Variants in SEPTIN10 observed in about 807,000 individuals in gnomAD.
The protein encoded by SEPTIN10 is septin 10, also known as septin-10.
In SEPTIN10, 66 loss-of-function variants were observed where a neutral mutation model predicts 54.8. That is an observed-to-expected ratio of 1.21 (90% CI 0.99 to 1.48). The LOEUF (loss-of-function observed/expected upper bound fraction) is 1.48. SEPTIN10 is among the 40% of genes most tolerant of loss of function. SEPTIN10 has a pLI of 0.00. For missense variants in SEPTIN10, 620 were observed against 545.6 expected, an observed-to-expected ratio of 1.14 and a Z score of -1.36; for synonymous variants, 161 against 181.0, an observed-to-expected ratio of 0.89 and a Z score of 0.89.
intron 9 of SEPTIN10, 28 bp downstream of exon 9, chr2:109,553,059 G>A: frequency 6.3e-7 from 1 of 1,599,266 alleles, no homozygotes; most frequent in East Asian, 2.2e-5. Flanking sequence ...AAAAATAAAT[G>A]CAAATCACAT....
chr2:109,582,053 G>C (rs923811691), intron 4 of SEPTIN10, among the ~76,000 whole-genome samples: 14 of 149,096 alleles, frequency 9.4e-5, no homozygotes, highest in Middle Eastern at 3.4e-3. Flanking sequence ...GCCGTATCAA[G>C]AACACAATGC....
intron 2 of SEPTIN10, among the ~76,000 whole-genome samples, chr2:109,587,874 CT>C (rs2105836708): frequency 1.3e-5 from 2 of 151,732 alleles, no homozygotes; most frequent in East Asian, 3.9e-4. Flanking sequence ...GATCGCACCA[CT>C]GCACTCCAGC....
intron 1 of SEPTIN10, among the ~76,000 whole-genome samples, chr2:109,601,991 T>G (rs1696697135): frequency 6.6e-6 from 1 of 152,114 alleles, no homozygotes; most frequent in African/African-American, 2.4e-5. Context: ...ATGAATAGAC[T>G]AGTGAGGCAG....
intron 6 of SEPTIN10, among the ~76,000 whole-genome samples, chr2:109,567,233 T>A (rs1266469160): frequency 6.6e-6 from 1 of 152,176 alleles, no homozygotes; most frequent in African/African-American, 2.4e-5. Flanking sequence ...GTAACTCCAA[T>A]GGACATATGG....
intron 8 of SEPTIN10, 97 bp downstream of exon 8, chr2:109,564,265 GGAGA>G: frequency 9.2e-7 from 1 of 1,090,980 alleles, no homozygotes; most frequent in Non-Finnish European, 1.2e-6. Flanking sequence ...CATGGTTTTG[GGAGA>G]TTCTAAAGAA....
chr2:109,564,954 A>G (rs1686614788), intron 7 of SEPTIN10, among the ~76,000 whole-genome samples: 1 of 152,216 alleles, frequency 6.6e-6, no homozygotes, highest in Non-Finnish European at 1.5e-5. Flanking sequence ...TGCAAACTCA[A>G]GAATACTATC....
At chr2:109,573,668 C>A (rs527346481) in intron 5 of SEPTIN10, among the ~76,000 whole-genome samples, 2 of 152,124 alleles carry the variant, frequency 1.3e-5, no homozygotes, top group African/African-American at 4.8e-5. Context: ...AGTTAGTAAC[C>A]AGGATCATGA....
chr2:109,562,171 C>T (rs754106231), intron 8 of SEPTIN10, among the ~76,000 whole-genome samples: 4 of 151,898 alleles, frequency 2.6e-5, no homozygotes, highest in Non-Finnish European at 5.9e-5. Context: ...AGAGATCATG[C>T]CACTGAACTC....
At chr2:109,572,054 G>C (rs551607432) in intron 5 of SEPTIN10, among the ~76,000 whole-genome samples, 1 of 152,286 alleles carries the variant, frequency 6.6e-6, no homozygotes, top group Admixed American at 6.5e-5. Flanking sequence ...GCCAGGCATT[G>C]TACTAAATGC....
At chr2:109,577,507 G>C (rs1006281655) in intron 4 of SEPTIN10, among the ~76,000 whole-genome samples, 9 of 151,712 alleles carry the variant, frequency 5.9e-5, no homozygotes, top group African/African-American at 2.2e-4. Context: ...CAGGAGAACT[G>C]CTGGAGTGCA....
chr2:109,545,291 A>C, intron 10 of SEPTIN10: 1 of 1,429,070 alleles, frequency 7.0e-7, no homozygotes, highest in Non-Finnish European at 9.1e-7. Context: ...AAGTGGGAGA[A>C]ATAAAACAAG....
intron 8 of SEPTIN10, among the ~76,000 whole-genome samples, chr2:109,558,709 G>A (rs1553423531): frequency 1.3e-5 from 2 of 151,814 alleles, no homozygotes; most frequent in East Asian, 3.9e-4. Flanking sequence ...AAAAACAAAC[G>A]GAAGTTCTGG....
intron 5 of SEPTIN10, 75 bp downstream of exon 5, chr2:109,574,506 C>T (rs1016024941): frequency 7.4e-6 from 6 of 814,402 alleles, no homozygotes; most frequent in African/African-American, 3.6e-5. Context: ...CAATATATAT[C>T]CATATTGTAA....
Position 109,564,532 on chromosome 2 carries a change from C to G in SEPTIN10, c.862G>C (p.Glu288Gln), listed in dbSNP as rs754262185. The change falls in exon 8 of 11, where the codon GAA becomes CAA. Residue 288 changes from glutamate to glutamine, a missense_variant and splice_region_variant. Glu to Gln is a conservative substitution (Grantham distance 29, BLOSUM62 2). Transcript: ENST00000397712. ...RQYPWGVVQV[E>Q]NENHCDFVKL... The stretch of plus-strand genomic sequence containing the variant: ...ACAAAGTCACAGTGGTTTTCATTTT[C>G]CACTAGCCAAAAAAAAATAAGAAAA... 1.3e-6 allele frequency: 2 copies of G among 1,497,890 alleles called. No homozygotes were observed. Among genetic ancestry groups the G allele is most frequent in the South Asian group, 1.4e-5 (1 of 70,004 alleles). 92.8% of individuals were successfully genotyped at this position (1,497,890 alleles called of 1,614,324 possible). A position where few individuals can be genotyped will look rare whatever the true frequency, so the allele number is the denominator to read the frequency against.
At chr2:109,566,245 C>T (rs1209790040) in intron 6 of SEPTIN10, among the ~76,000 whole-genome samples, 2 of 151,990 alleles carry the variant, frequency 1.3e-5, no homozygotes, top group Admixed American at 6.6e-5. Context: ...CTCAGCCTCC[C>T]GAGTAGCTGG....
At chr2:109,556,638 CT>C (rs1024593608) in intron 8 of SEPTIN10, among the ~76,000 whole-genome samples, 10 of 151,068 alleles carry the variant, frequency 6.6e-5, no homozygotes, top group African/African-American at 9.7e-5. Context: ...AGTATCAGGC[CT>C]TTTTTTTTCT....
intron 1 of SEPTIN10, among the ~76,000 whole-genome samples, chr2:109,603,105 T>C (rs1697019531): frequency 6.6e-6 from 1 of 151,516 alleles, no homozygotes; most frequent in Admixed American, 6.6e-5. Context: ...CAAAAAAGCA[T>C]TAAAAGGACC....
In SEPTIN10 at chr2:109,565,885, T is replaced by G. The variant is rs183258808; in HGVS notation, c.763-26A>C. The G allele has an allele frequency of 7.8e-4, 1,216 of 1,563,522 alleles. 7 individuals carry two copies. In the African/African-American group the frequency reaches 0.013, roughly 17 times the overall value. ...CTGAAAAAGAATATCGAGCACATCT[T>G]CTCATACCACTGTGATAACTGACTA... is the stretch of plus-strand genomic sequence containing the variant. On this transcript the variant is annotated intron_variant, in intron 6 of 10. Coordinates refer to ENST00000397712, the MANE Select transcript of SEPTIN10 (RefSeq NM_144710.5).
chr2:109,550,182 C>G (rs1247209542), intron 9 of SEPTIN10, among the ~76,000 whole-genome samples: 1 of 151,634 alleles, frequency 6.6e-6, no homozygotes, highest in Admixed American at 6.6e-5. Flanking sequence ...CCCAGCTACT[C>G]GGGAGGCTGA....
Sources: gnomAD v4.1 joint callset for allele counts (sites outside exome capture counted in the v4.1 genomes callset) on GRCh38, gnomAD v4.1.1 for gene constraint, MANE v1.5 for transcripts, NCBI Gene and HGNC (gene_info 2026-07-23, HGNC 2026-07-21) for gene names.